Variants in CLVS1 observed in about 807,000 individuals in gnomAD.
CLVS1 encodes the protein clavesin 1, also known as clavesin-1.
In CLVS1, 10 loss-of-function variants were observed where a neutral mutation model predicts 33.1. The ratio of observed to expected loss-of-function variants is 0.30; its 90% confidence interval spans 0.19 to 0.51. The LOEUF (loss-of-function observed/expected upper bound fraction) is 0.51. CLVS1 is among the 20% of genes least tolerant of loss of function. The probability of loss-of-function intolerance (pLI) is 0.97; values close to 1 mark genes in which losing one functional copy is unlikely to be tolerated. For synonymous variants in CLVS1, 163 were observed against 166.1 expected (o/e 0.98, Z 0.14); for missense variants, 343 against 433.4 (o/e 0.79, Z 1.85).
At chr8:61,387,429 C>CT (rs1168163960) in intron 3 of CLVS1, among the ~76,000 whole-genome samples, 3 of 148,600 alleles carry the variant, frequency 2.0e-5, no homozygotes, top group Non-Finnish European at 4.4e-5. Context: ...ATTGTTAGCC[C>CT]TTTATAGCCC....
intron 2 of CLVS1, among the ~76,000 whole-genome samples, chr8:61,271,532 T>C (rs375790416): frequency 6.8e-6 from 1 of 148,010 alleles, no homozygotes; most frequent in Admixed American, 6.7e-5. Flanking sequence ...CTATTAGGTC[T>C]GCTTGGTGCA....
At chr8:61,279,092 C>T (rs915707771) in intron 2 of CLVS1, among the ~76,000 whole-genome samples, 6 of 152,208 alleles carry the variant, frequency 3.9e-5, no homozygotes, top group Non-Finnish European at 7.3e-5. Context: ...CGCCTTTGGA[C>T]TGACTTAGCT....
intron 3 of CLVS1, among the ~76,000 whole-genome samples, chr8:61,400,611 A>G (rs1814711557): frequency 6.6e-6 from 1 of 152,198 alleles, no homozygotes; most frequent in African/African-American, 2.4e-5. Flanking sequence ...GTCTTGTGCC[A>G]ACTTTCAAGG....
intron 2 of CLVS1, among the ~76,000 whole-genome samples, chr8:61,270,691 A>C (rs973028849): frequency 9.9e-5 from 15 of 152,088 alleles, no homozygotes; most frequent in Non-Finnish European, 2.1e-4. Flanking sequence ...ATAATTTCAG[A>C]TCCTGTTATT....
Position 61,454,176 on chromosome 8 carries a change from T to G in CLVS1, c.666T>G (p.Phe222Leu), listed in dbSNP as rs770416103. The change falls in exon 4 of 6, where the codon TTT (phenylalanine) becomes TTG (leucine). Residue 222 changes from phenylalanine (F) to leucine (L), a missense_variant. By Grantham distance (22) the Phe-to-Leu change is conservative (BLOSUM62 0). Transcript: ENST00000325897. The stretch of plus-strand genomic sequence containing the variant: ...CTGCCCGCTTTGGAGGAGTCCACTT[T>G]GTCAACCAGCCCTGGTACATTCATG... Reference protein sequence around the residue: ...SFPARFGGVHFVNQPWYIHAL... With the variant: ...SFPARFGGVHLVNQPWYIHAL... The G allele has an allele frequency of 3.7e-6, 6 of 1,614,142 alleles. No individual in the cohort carries two copies. The highest frequency in any genetic ancestry group is 5.1e-6 in the Non-Finnish European group (6 of 1,179,988).
the CLVS1 span, among the ~76,000 whole-genome samples, chr8:61,038,476 G>GTA: frequency 1.8e-3 from 265 of 144,144 alleles, 1 homozygote; most frequent in Non-Finnish European, 3.0e-3. Flanking sequence ...ATATATACAC[G>GTA]TATATATATA....
At chr8:61,262,560 A>G (rs1809227098) in intron 2 of CLVS1, among the ~76,000 whole-genome samples, 1 of 152,138 alleles carries the variant, frequency 6.6e-6, no homozygotes, top group South Asian at 2.1e-4. Flanking sequence ...GTTTTTTATT[A>G]CTTATTCTGA....
intron 2 of CLVS1, among the ~76,000 whole-genome samples, chr8:61,317,163 G>A (rs1003172396): frequency 2.0e-5 from 3 of 152,076 alleles, no homozygotes; most frequent in Admixed American, 2.0e-4. Flanking sequence ...CTGGAGCCTG[G>A]GAAGCCTAAG....
In CLVS1 at chr8:61,128,459, C is replaced by T. The variant is rs139946763; in HGVS notation, c.-242-3311C>T. ...AATTTTTTTCTCCATGTGTAGGGTT[C>T]CTTTCTTTACATCTTTTTCTTTCTA... is the stretch of plus-strand genomic sequence containing the variant. On this transcript the variant is annotated intron_variant, in intron 1 of 2. Coordinates refer to the CLVS1 transcript ENST00000522621. Among the ~76,000 whole-genome samples, 137 of 152,236 alleles carry T rather than the reference C, an allele frequency of 9.0e-4. 2 individuals carry two copies. Among genetic ancestry groups the T allele is most frequent in the African/African-American group, 3.0e-3 (124 of 41,542 alleles).
intron 1 of CLVS1, among the ~76,000 whole-genome samples, chr8:61,094,578 C>T (rs1187063482): frequency 6.6e-6 from 1 of 152,156 alleles, no homozygotes; most frequent in Non-Finnish European, 1.5e-5. Flanking sequence ...GCCCAAACCC[C>T]AGTACCTTAG....
intron 2 of CLVS1, among the ~76,000 whole-genome samples, chr8:61,268,320 T>C (rs892628441): frequency 1.3e-5 from 2 of 151,958 alleles, no homozygotes; most frequent in African/African-American, 4.8e-5. Context: ...TCCAATTTCA[T>C]CCATGTCCCT....
At chr8:61,266,461 G>C (rs954886234) in intron 2 of CLVS1, among the ~76,000 whole-genome samples, 3 of 152,036 alleles carry the variant, frequency 2.0e-5, no homozygotes, top group African/African-American at 7.2e-5. Flanking sequence ...TGAGCCAGCA[G>C]ACAGCCCCAG....
At chr8:61,420,437 A>G (rs914197118) in intron 3 of CLVS1, among the ~76,000 whole-genome samples, 1 of 151,984 alleles carries the variant, frequency 6.6e-6, no homozygotes, top group African/African-American at 2.4e-5. Flanking sequence ...CCCTGTCTGT[A>G]CCAAAAATAC....
chr8:61,433,941 TAAA>T lies in CLVS1; in HGVS notation c.631-20188_631-20186del, dbSNP rs112113590. Among the ~76,000 whole-genome samples the T allele has an allele frequency of 3.1e-4, 44 of 142,088 alleles. No homozygotes were observed. In the South Asian group the frequency reaches 8.4e-3, roughly 27 times the overall value. The allele number at this position is 142,088 out of a possible 152,430, so 93.2% of individuals were successfully genotyped here. On this transcript the variant is annotated intron_variant, in intron 3 of 5. Coordinates refer to ENST00000325897, the MANE Select transcript of CLVS1 (RefSeq NM_173519.3). ...AAAATAAATAAAACATATCATTCAT[TAAA>T]AAAAAAAAAAAGTTGTAGATGGGCT... is the stretch of plus-strand genomic sequence containing the variant.
chr8:61,167,762 C>T (rs1806909052), intron 2 of CLVS1, among the ~76,000 whole-genome samples: 1 of 152,124 alleles, frequency 6.6e-6, no homozygotes, highest in South Asian at 2.1e-4. Context: ...AGTAAAGAAG[C>T]CGGCTAAAAC....
intron 2 of CLVS1, among the ~76,000 whole-genome samples, chr8:61,140,535 A>T (rs553878414): frequency 1.3e-5 from 2 of 151,936 alleles, no homozygotes; most frequent in East Asian, 1.9e-4. Flanking sequence ...ATATACTTTA[A>T]TTTTTTTATT....
At chr8:61,394,732 C>G (rs1814449242) in intron 3 of CLVS1, among the ~76,000 whole-genome samples, 1 of 152,126 alleles carries the variant, frequency 6.6e-6, no homozygotes, top group Non-Finnish European at 1.5e-5. Context: ...GCAGGGCTCT[C>G]TTTTTAGTTT....
chr8:61,139,583 C>G (rs1450465585), intron 2 of CLVS1, among the ~76,000 whole-genome samples: 3 of 152,072 alleles, frequency 2.0e-5, no homozygotes, highest in Admixed American at 2.0e-4. Context: ...GGACCCAGGG[C>G]CCGTGCAGAA....
the CLVS1 span, among the ~76,000 whole-genome samples, chr8:61,049,051 T>C: frequency 6.6e-6 from 1 of 152,348 alleles, no homozygotes; most frequent in Admixed American, 6.5e-5. Context: ...CAAAATTTAT[T>C]CAGGGACACC....
Sources: gnomAD v4.1 joint callset for allele counts (sites outside exome capture counted in the v4.1 genomes callset) on GRCh38, gnomAD v4.1.1 for gene constraint, MANE v1.5 for transcripts, NCBI Gene and HGNC (gene_info 2026-07-23, HGNC 2026-07-21) for gene names.